The following MAMSTR variants were observed in gnomAD, a reference collection of about 807,000 sequenced individuals.
The protein encoded by MAMSTR is MEF2 activating motif and SAP domain containing transcriptional regulator, also known as MEF2-activating motif and SAP domain-containing transcriptional regulator.
Under a neutral mutation model 42.7 loss-of-function variants are expected in MAMSTR, and 41 were observed. The ratio of observed to expected loss-of-function variants is 0.96; its 90% CI spans 0.75 to 1.25. The LOEUF is 1.25. Ranked by LOEUF, MAMSTR falls within the 50% of genes most tolerant of loss-of-function variation. The pLI is 0.00. For synonymous variants in MAMSTR, 265 were observed against 244.1 expected (o/e 1.09, Z -0.80); for missense variants, 567 against 557.6 (o/e 1.02, Z -0.17).
chr19:48,719,054 T>C lies in MAMSTR; in HGVS notation c.-21-2A>G, dbSNP rs2122381478. On this transcript the variant is annotated splice_acceptor_variant, in intron 1 of 9. Transcript: ENST00000318083. LOFTEE classifies it low-confidence loss of function (5UTR_SPLICE). The surrounding 1 kb of genome is among the most constrained non-coding windows in gnomAD (Gnocchi z 4.4). ...CATTGCCAAGGCCGGGATGGGGACC[T>C]GGACGGAGAGGGGGCAGGGCAGGGG... 2 of 1,550,302 alleles carry C rather than the reference T, an allele frequency of 1.3e-6. No individual in the cohort carries two copies. The highest frequency in any genetic ancestry group is 2.4e-5 in the East Asian group (1 of 40,958).
Position 48,715,315 on chromosome 19 carries a change from A to G in MAMSTR, c.372T>C (p.Gly124=). The G allele has an allele frequency of 6.3e-7, 1 of 1,594,230 alleles. No homozygotes were observed. Among genetic ancestry groups the G allele is most frequent in the Non-Finnish European group, 8.5e-7 (1 of 1,171,798 alleles). ...ADPQAEGSAL[G]PPGPSLWEGT... ...CTTCCCACAGAGATGGCCCAGGAGGACCCAGGGCGGACCCCTCGGCTTGGG... is the reference window on the plus strand; with the variant it reads ...CTTCCCACAGAGATGGCCCAGGAGGGCCCAGGGCGGACCCCTCGGCTTGGG... Residue 124 remains glycine, a synonymous_variant, in exon 5 of 10, where the codon GGT becomes GGC. Coordinates refer to ENST00000318083, the MANE Select transcript of MAMSTR (RefSeq NM_001130915.2).
chr19:48,715,415 T>G lies in MAMSTR; in HGVS notation c.272A>C (p.Glu91Ala), dbSNP rs1367438665. The G allele has an allele frequency of 2.0e-6, 3 of 1,509,772 alleles. No individual in the cohort carries two copies. The allele number at this position is 1,509,772 out of a possible 1,614,324, so 93.5% of individuals were successfully genotyped here. ...TGTCAAGTTCCCCCTGGGCTTGGAC[T>G]CCCTCCAACGTTGGGAGATCTTGGG... is the stretch of plus-strand genomic sequence containing the variant. ...ESPKISQRWR[E>A]SKPRGNLTYH... The change falls in exon 5 of 10, where the codon GAG (glutamate) becomes GCG (alanine). Residue 91 changes from glutamate to alanine, a missense_variant. Coordinates refer to ENST00000318083, the MANE Select transcript of MAMSTR (RefSeq NM_001130915.2).
At chr19:48,713,604 G>GC (rs2032824098) in intron 9 of MAMSTR, 54 bp from the exon 10 acceptor site, 1 of 1,597,928 alleles carries the variant, frequency 6.3e-7, no homozygotes, top group East Asian at 2.2e-5. Flanking sequence ...CCGGGCGCCA[G>GC]CCCCCCATAC....
At chr19:48,714,729 G>C in intron 6 of MAMSTR, 77 bp downstream of exon 6, 1 of 1,344,548 alleles carries the variant, frequency 7.4e-7, no homozygotes, top group South Asian at 1.2e-5. Flanking sequence ...TTTCCAGAGG[G>C]CAGAGGCTGC....
chr19:48,713,571 C>T (rs1417055773), intron 9 of MAMSTR, 21 bp from the exon 10 acceptor site: 7 of 1,605,142 alleles, frequency 4.4e-6, no homozygotes, highest in Non-Finnish European at 6.0e-6. Flanking sequence ...AAGAATGGTA[C>T]ATGAGCTTGG....
rs572750501 is a variant in MAMSTR at position 48,714,060 on chromosome 19, A to G, written c.724-15T>C. On this transcript the variant is annotated splice_polypyrimidine_tract_variant and intron_variant, in intron 7 of 9. Coordinates refer to ENST00000318083, the MANE Select transcript of MAMSTR (RefSeq NM_001130915.2). ...CTGGGCTTGACCTAGAGCAGCCAAGAGGGCGAGCGCCCATAAGCCATGCCC... is the reference window on the plus strand; with the variant it reads ...CTGGGCTTGACCTAGAGCAGCCAAGGGGGCGAGCGCCCATAAGCCATGCCC... The G allele has an allele frequency of 1.0e-5, 16 of 1,560,070 alleles. No individual in the cohort carries two copies. The East Asian group carries it at 3.6e-4, about 35-fold the overall frequency.
intron 7 of MAMSTR, 108 bp downstream of exon 7, chr19:48,714,258 A>T: frequency 9.4e-7 from 1 of 1,063,494 alleles, no homozygotes; most frequent in South Asian, 2.4e-5. Flanking sequence ...AAGGCTTCCT[A>T]CCGCTGGTCC....
Position 48,715,400 on chromosome 19 carries a change from C to G in MAMSTR, c.287G>C (p.Gly96Ala). 1 of 1,518,350 alleles carries G rather than the reference C, an allele frequency of 6.6e-7. No individual in the cohort carries two copies. The highest frequency in any genetic ancestry group is 2.4e-5 in the East Asian group (1 of 41,466). The allele number at this position is 1,518,350 out of a possible 1,614,324, so 94.1% of individuals were successfully genotyped here. A position where few individuals can be genotyped will look rare whatever the true frequency, so the allele number is the denominator to read the frequency against. The part of the protein sequence containing the change: ...SQRWRESKPR[G>A]NLTYHQYMPP... ...CATGTACTGGTGGTATGTCAAGTTC[C>G]CCCTGGGCTTGGACTCCCTCCAACG... Residue 96 changes from glycine to alanine, a missense_variant, in exon 5 of 10, where the codon GGG (glycine) becomes GCG (alanine). Physicochemically the swap from Gly to Ala is moderately conservative, Grantham distance 60. Transcript: ENST00000318083.
In MAMSTR at chr19:48,713,526, T is replaced by C; in HGVS notation, c.989A>G (p.Asp330Gly). Residue 330 changes from aspartate to glycine, a missense_variant, in exon 10 of 10, where the codon GAC (aspartate) becomes GGC (glycine). Asp to Gly is a moderately conservative substitution (Grantham distance 94). Coordinates refer to ENST00000318083, the MANE Select transcript of MAMSTR (RefSeq NM_001130915.2). ...CAGCACGTCGAAGGAGCCAGGGAAG[T>C]CCAGGGGAATAGGGGGCAGGGGGTC... ...PDDPLPPIPL[D>G]FPGSFDVLSP... is the part of the protein sequence containing the mutation. 1 of 1,611,074 alleles carries C rather than the reference T, an allele frequency of 6.2e-7. No homozygotes were observed. Among genetic ancestry groups the C allele is most frequent in the Admixed American group, 1.7e-5 (1 of 59,496 alleles).
downstream of MAMSTR, among the ~76,000 whole-genome samples, chr19:48,707,876 AAAGAAAG>A (rs1555755204): frequency 8.8e-6 from 1 of 114,096 alleles, no homozygotes; most frequent in South Asian, 2.5e-4. Flanking sequence ...AGAAAGAAAG[AAAGAAAG>A]AAAGAAAAGA....
Position 48,714,461 on chromosome 19 carries a change from C to A in MAMSTR, c.628G>T (p.Glu210Ter). 7.4e-7 allele frequency: 1 copy of A among 1,357,484 alleles called. No homozygotes were observed. The highest frequency in any genetic ancestry group is 9.4e-7 in the Non-Finnish European group (1 of 1,066,252). The allele number at this position is 1,357,484 out of a possible 1,614,324, so 84.1% of individuals were successfully genotyped here. A position where few individuals can be genotyped will look rare whatever the true frequency, so the allele number is the denominator to read the frequency against. ...TCCTCGCGCCGCGGCTTCGGCCGCT[C>A]GCGGGGCGGCGCGCCGCCGCGCATG... is the stretch of plus-strand genomic sequence containing the variant. ...ERMRGGAPPR[E>*]RPKPRREDSP... Residue 210 changes from glutamate (E) to a stop codon, truncating the protein, a stop_gained, in exon 7 of 10, where the codon GAG (glutamate) becomes TAG (stop). Coordinates refer to ENST00000318083, the MANE Select transcript of MAMSTR (RefSeq NM_001130915.2). LOFTEE classifies it high-confidence loss of function.
intron 7 of MAMSTR, 44 bp from the exon 8 acceptor site, chr19:48,714,089 G>A: frequency 6.6e-7 from 1 of 1,515,938 alleles, no homozygotes; most frequent in Non-Finnish European, 8.8e-7. Context: ...CATGCCCACA[G>A]GGCGCAACCC....
chr19:48,711,734 G>A (rs940529800), downstream of MAMSTR, among the ~76,000 whole-genome samples: 5 of 138,358 alleles, frequency 3.6e-5, no homozygotes, highest in Non-Finnish European at 1.5e-5. Flanking sequence ...CACCATACCT[G>A]GCTAGTTTTT....
intron 2 of MAMSTR, among the ~76,000 whole-genome samples, chr19:48,717,684 AC>A (rs1461455413): frequency 6.7e-6 from 1 of 149,850 alleles, no homozygotes; most frequent in African/African-American, 2.5e-5. Context: ...ACAGGTGCTC[AC>A]CACCACACCC....
downstream of MAMSTR, among the ~76,000 whole-genome samples, chr19:48,708,983 A>C (rs2032690516): frequency 6.6e-6 from 1 of 152,022 alleles, no homozygotes; most frequent in Admixed American, 6.6e-5. Flanking sequence ...TGATATGGAG[A>C]GTGATACAGT....
chr19:48,706,721 T>C, the MAMSTR span, among the ~76,000 whole-genome samples: 1 of 152,132 alleles, frequency 6.6e-6, no homozygotes, highest in African/African-American at 2.4e-5. Flanking sequence ...AAATACATAC[T>C]GTGCACCTAT....
At chr19:48,711,972 G>A (rs1406097622), downstream of MAMSTR, among the ~76,000 whole-genome samples, 2 of 151,516 alleles carry the variant, frequency 1.3e-5, no homozygotes, top group Non-Finnish European at 2.9e-5. Context: ...TAGCCAGGAT[G>A]GTCTCGATCT....
At chr19:48,711,593 G>C (rs2032726363), downstream of MAMSTR, among the ~76,000 whole-genome samples, 3 of 135,956 alleles carry the variant, frequency 2.2e-5, no homozygotes, top group South Asian at 6.6e-4. Context: ...TTTGTTTTGA[G>C]ATGGAGTAGC....
intron 7 of MAMSTR, 21 bp downstream of exon 7, chr19:48,714,345 A>G (rs1321203873): frequency 1.5e-6 from 2 of 1,355,804 alleles, no homozygotes; most frequent in Non-Finnish European, 1.9e-6. Flanking sequence ...TTGGTCCGCA[A>G]GCTCATAGCC....
Sources: gnomAD v4.1 joint callset for allele counts (sites outside exome capture counted in the v4.1 genomes callset) on GRCh38, gnomAD v4.1.1 for gene constraint, Gnocchi (gnomAD v3.1) non-coding constraint, MANE v1.5 for transcripts, NCBI Gene and HGNC (gene_info 2026-07-23, HGNC 2026-07-21) for gene names.